The following KCNAB1 variants were observed in gnomAD, a reference collection of about 807,000 sequenced individuals.
The protein encoded by KCNAB1 is potassium voltage-gated channel subfamily A regulatory beta subunit 1, also known as voltage-gated potassium channel subunit beta-1.
Under a neutral mutation model 64.6 loss-of-function variants are expected in KCNAB1, and 35 were observed. That is an observed-to-expected ratio of 0.54 (90% CI 0.41 to 0.72). KCNAB1 has a LOEUF of 0.72. Among genes scored for constraint, KCNAB1 ranks in the 30% least tolerant of loss-of-function variants. The pLI, the probability that KCNAB1 is intolerant of heterozygous loss-of-function variation, is 0.00. For synonymous variants in KCNAB1, 177 were observed against 183.8 expected, an observed-to-expected ratio of 0.96 and a Z score of 0.30; for missense variants, 401 against 512.9, an observed-to-expected ratio of 0.78 and a Z score of 2.11.
intron 1 of KCNAB1, among the ~76,000 whole-genome samples, chr3:156,315,559 G>A (rs1722219854): frequency 1.3e-5 from 2 of 152,106 alleles, no homozygotes; most frequent in South Asian, 4.1e-4. Flanking sequence ...CCAAGCTGAT[G>A]TAAAGGAGTG....
chr3:156,521,981 T>C (rs1717968010), intron 11 of KCNAB1, among the ~76,000 whole-genome samples: 1 of 149,438 alleles, frequency 6.7e-6, no homozygotes. Context: ...TTTGGAAGTC[T>C]GTCTCTGAAA....
chr3:156,511,406 C>T (rs1422251852), intron 8 of KCNAB1, among the ~76,000 whole-genome samples: 5 of 152,086 alleles, frequency 3.3e-5, no homozygotes, highest in Admixed American at 3.3e-4. Context: ...CCCCGCCCGT[C>T]ATCTCCCTTT....
intron 1 of KCNAB1, among the ~76,000 whole-genome samples, chr3:156,138,335 C>T (rs777097984): frequency 6.6e-6 from 1 of 152,108 alleles, no homozygotes; most frequent in African/African-American, 2.4e-5. Context: ...GAAAAATATG[C>T]GCTGGACTGT....
chr3:156,454,614 AG>A (rs1712252833), intron 3 of KCNAB1, among the ~76,000 whole-genome samples: 1 of 152,130 alleles, frequency 6.6e-6, no homozygotes, highest in Non-Finnish European at 1.5e-5. Flanking sequence ...GGCACCAGGA[AG>A]GGGTGTATGG....
At chr3:156,233,544 G>T (rs529607310) in intron 1 of KCNAB1, among the ~76,000 whole-genome samples, 4 of 152,282 alleles carry the variant, frequency 2.6e-5, no homozygotes, top group Non-Finnish European at 5.9e-5. Flanking sequence ...CCATTCTAAG[G>T]CTTTTGCTTT....
intron 1 of KCNAB1, 111 bp downstream of exon 1, chr3:156,120,997 C>G (rs1444401262): frequency 3.9e-6 from 5 of 1,287,344 alleles, no homozygotes; most frequent in Non-Finnish European, 4.2e-6. Flanking sequence ...GCTCTAATTG[C>G]CTTAGAGATG....
chr3:156,139,591 T>TG (rs1714580969), intron 1 of KCNAB1, among the ~76,000 whole-genome samples: 2 of 144,854 alleles, frequency 1.4e-5, no homozygotes, highest in African/African-American at 5.1e-5. Flanking sequence ...TGTGTTTTTT[T>TG]TTTTTTTTTT....
chr3:156,345,331 A>G (rs1162512588), intron 1 of KCNAB1, among the ~76,000 whole-genome samples: 3 of 152,232 alleles, frequency 2.0e-5, no homozygotes, highest in Admixed American at 6.5e-5. Context: ...TTGTTCAAGT[A>G]TAATCTTAAT....
chr3:156,463,595 G>A (rs1216261003), intron 5 of KCNAB1, 107 bp from the exon 6 acceptor site: 1 of 883,530 alleles, frequency 1.1e-6, no homozygotes, highest in Non-Finnish European at 1.8e-6. Flanking sequence ...TTTTTAAAAT[G>A]TGAGGTATAA....
chr3:156,457,073 T>C (rs1046330650), intron 3 of KCNAB1: 2 of 339,592 alleles, frequency 5.9e-6, no homozygotes, highest in Non-Finnish European at 4.3e-6. Flanking sequence ...CCAAAAGTTA[T>C]TGGCTTGGAG....
intron 8 of KCNAB1, among the ~76,000 whole-genome samples, chr3:156,498,618 T>G (rs1716169688): frequency 6.6e-6 from 1 of 152,224 alleles, no homozygotes; most frequent in African/African-American, 2.4e-5. Flanking sequence ...TATGTCTTTA[T>G]CAGCAGCATG....
intron 1 of KCNAB1, among the ~76,000 whole-genome samples, chr3:156,143,583 T>TGGA: frequency 7.1e-6 from 1 of 141,248 alleles, no homozygotes; most frequent in East Asian, 2.0e-4. Context: ...TTTTTTTTTT[T>TGGA]TTTTTTTTTT....
At chr3:156,394,567 T>C (rs912857524) in intron 1 of KCNAB1, among the ~76,000 whole-genome samples, 10 of 150,682 alleles carry the variant, frequency 6.6e-5, no homozygotes, top group Admixed American at 5.9e-4. Flanking sequence ...TTGAACATAG[T>C]GAAGACAAGC....
intron 1 of KCNAB1, among the ~76,000 whole-genome samples, chr3:156,255,439 G>A (rs1718047336): frequency 6.6e-6 from 1 of 152,212 alleles, no homozygotes; most frequent in Non-Finnish European, 1.5e-5. Context: ...ACCAGATGTG[G>A]CCCCAGTCAG....
At chr3:156,204,880 G>A (rs977470282) in intron 1 of KCNAB1, among the ~76,000 whole-genome samples, 1 of 151,906 alleles carries the variant, frequency 6.6e-6, no homozygotes, top group African/African-American at 2.4e-5. Flanking sequence ...AAAAATAAGG[G>A]GCAAGCTAAG....
chr3:156,161,225 C>T (rs1308660724), intron 1 of KCNAB1, among the ~76,000 whole-genome samples: 1 of 152,156 alleles, frequency 6.6e-6, no homozygotes, highest in Non-Finnish European at 1.5e-5. Context: ...TTAAAGGGCC[C>T]AGTGGGGGTA....
At chr3:156,499,744 C>A (rs1045072080) in intron 8 of KCNAB1, among the ~76,000 whole-genome samples, 1 of 152,094 alleles carries the variant, frequency 6.6e-6, no homozygotes, top group Non-Finnish European at 1.5e-5. Flanking sequence ...AATAATACCA[C>A]CTCATACGGC....
intron 1 of KCNAB1, among the ~76,000 whole-genome samples, chr3:156,243,557 A>G (rs2108452378): frequency 6.6e-6 from 1 of 152,346 alleles, no homozygotes; most frequent in Non-Finnish European, 1.5e-5. Context: ...GTGAGAAACT[A>G]AAACTTTGAT....
chr3:156,393,838 C>A (rs1713231618), intron 1 of KCNAB1, among the ~76,000 whole-genome samples: 1 of 152,158 alleles, frequency 6.6e-6, no homozygotes, highest in Admixed American at 6.5e-5. Flanking sequence ...CAAATTGGAA[C>A]CTGTCTTAAA....
Sources: gnomAD v4.1 joint callset for allele counts (sites outside exome capture counted in the v4.1 genomes callset) on GRCh38, gnomAD v4.1.1 for gene constraint, MANE v1.5 for transcripts, NCBI Gene and HGNC (gene_info 2026-07-23, HGNC 2026-07-21) for gene names.